Variants in PTPN4 observed in about 807,000 individuals in gnomAD.
PTPN4 encodes the protein tyrosine-protein phosphatase non-receptor type 4.
In PTPN4, 49 loss-of-function variants were observed where a neutral mutation model predicts 135.5. That is an observed-to-expected ratio of 0.36 (90% CI 0.29 to 0.46). The LOEUF is 0.46. Ranked by LOEUF, PTPN4 falls within the 20% of genes least tolerant of loss-of-function variation. The pLI is 1.00. For synonymous variants in PTPN4, 333 were observed against 369.9 expected, an observed-to-expected ratio of 0.90 and a Z score of 1.14; for missense variants, 860 against 1,101.0, an observed-to-expected ratio of 0.78 and a Z score of 3.10.
At chr2:119,935,202 C>G in intron 15 of PTPN4, 1 of 434,358 alleles carries the variant, frequency 2.3e-6, no homozygotes, top group Non-Finnish European at 4.0e-6. Context: ...TATATAAACT[C>G]AAATATTTCT....
chr2:119,779,876 T>C (rs1258416240), intron 1 of PTPN4, among the ~76,000 whole-genome samples: 1 of 152,014 alleles, frequency 6.6e-6, no homozygotes, highest in Non-Finnish European at 1.5e-5. Flanking sequence ...TTCTGGGTAG[T>C]TGGGACCACA....
At chr2:119,769,404 G>T (rs1374626423) in intron 1 of PTPN4, among the ~76,000 whole-genome samples, 2 of 152,174 alleles carry the variant, frequency 1.3e-5, no homozygotes. Context: ...GAACTCCCCA[G>T]GTCTCATCTC....
At chr2:119,837,592 T>C (rs1677314612) in intron 2 of PTPN4, among the ~76,000 whole-genome samples, 1 of 152,220 alleles carries the variant, frequency 6.6e-6, no homozygotes, top group Non-Finnish European at 1.5e-5. Flanking sequence ...TACTGAGAAC[T>C]GTAACACAAA....
At chr2:119,835,141 TATCC>T in intron 2 of PTPN4, among the ~76,000 whole-genome samples, 1 of 152,192 alleles carries the variant, frequency 6.6e-6, no homozygotes, top group South Asian at 2.1e-4. Context: ...AATTTTAAGT[TATCC>T]ATCAGTAAGT....
intron 2 of PTPN4, among the ~76,000 whole-genome samples, chr2:119,848,504 G>A (rs533034994): frequency 9.9e-5 from 15 of 151,356 alleles, no homozygotes; most frequent in South Asian, 2.1e-4. Flanking sequence ...AATTTCTTCC[G>A]TTTCCTTCTC....
chr2:119,907,509 T>C (rs976096146), intron 10 of PTPN4, among the ~76,000 whole-genome samples: 2 of 152,050 alleles, frequency 1.3e-5, no homozygotes, highest in Non-Finnish European at 2.9e-5. Context: ...GAAGCTGAGG[T>C]GGGAGGATCA....
rs62169081 is a variant in PTPN4 at position 119,974,232 on chromosome 2, A to G, written c.2695-2752A>G. Among the ~76,000 whole-genome samples the G allele has an allele frequency of 4.2e-3, 636 of 152,116 alleles. 1 individual carries two copies. The highest frequency in any genetic ancestry group is 7.6e-3 in the Non-Finnish European group (516 of 67,996). On this transcript the variant is annotated intron_variant, in intron 26 of 26. Transcript: ENST00000263708. ...TTGTTTTGTTTTGTTTTGTTTTGAG[A>G]TGGAGTTTCGCTCTTGTTGCCCAGG...
Position 119,932,842 on chromosome 2 carries a change from G to A in PTPN4, c.1196+293G>A, listed in dbSNP as rs116155401. Among the ~76,000 whole-genome samples, 231 of 152,274 alleles carry A rather than the reference G, an allele frequency of 1.5e-3. 1 individual carries two copies. Among genetic ancestry groups the A allele is most frequent in the African/African-American group, 5.3e-3 (221 of 41,552 alleles). On this transcript the variant is annotated intron_variant, in intron 14 of 26. Transcript: ENST00000263708. ...GTCCCTGATAAATGAAGATCTGTTA[G>A]ACTTAAAATCTTGTATGGTTGTTGT...
intron 1 of PTPN4, chr2:119,791,314 G>C (rs1429820920): frequency 6.6e-6 from 1 of 152,040 alleles, no homozygotes; most frequent in Non-Finnish European, 1.5e-5. Context: ...ATTTTTAGTA[G>C]AGATGGGGTT....
chr2:119,759,953 C>T lies in PTPN4; in HGVS notation c.-449C>T. ...ACCCGCCAGCTCACGCCGCGCAGTG[C>T]GCTTTTCCGCTCCTCGCGCCCCACC... On this transcript the variant is annotated 5_prime_UTR_variant, in exon 1 of 27. Transcript: ENST00000263708. 1 of 369,598 alleles carries T rather than the reference C, an allele frequency of 2.7e-6. No homozygotes were observed. The highest frequency in any genetic ancestry group is 4.8e-6 in the Non-Finnish European group (1 of 207,980). The allele number at this position is 369,598 out of a possible 1,614,324, so 22.9% of individuals were successfully genotyped here. A position where few individuals can be genotyped will look rare whatever the true frequency, so the allele number is the denominator to read the frequency against.
At chr2:119,762,226 G>A (rs1304286952) in intron 1 of PTPN4, among the ~76,000 whole-genome samples, 1 of 151,824 alleles carries the variant, frequency 6.6e-6, no homozygotes, top group African/African-American at 2.4e-5. Flanking sequence ...AAAAAGTATA[G>A]ATCTCTCATA....
chr2:119,809,528 C>A (rs1691539747), intron 1 of PTPN4, among the ~76,000 whole-genome samples: 1 of 151,912 alleles, frequency 6.6e-6, no homozygotes, highest in Non-Finnish European at 1.5e-5. Context: ...GCATAATCTT[C>A]CCGCCCCTTT....
chr2:119,944,974 TG>T, intron 15 of PTPN4, 106 bp from the exon 16 acceptor site: 1 of 928,374 alleles, frequency 1.1e-6, no homozygotes, highest in Non-Finnish European at 1.5e-6. Flanking sequence ...CAAATAAATA[TG>T]GTATTTAGAG....
intron 8 of PTPN4, among the ~76,000 whole-genome samples, chr2:119,884,350 C>A (rs1002875821): frequency 6.6e-6 from 1 of 152,216 alleles, no homozygotes; most frequent in Non-Finnish European, 1.5e-5. Flanking sequence ...AACACAGATA[C>A]CCTCATTCAT....
chr2:119,826,329 A>G (rs1245883920), intron 2 of PTPN4, among the ~76,000 whole-genome samples: 2 of 152,222 alleles, frequency 1.3e-5, no homozygotes, highest in African/African-American at 4.8e-5. Context: ...TTTTCTGTTT[A>G]GTGTTTTTCT....
At chr2:119,827,560 T>C (rs2048393) in intron 2 of PTPN4, among the ~76,000 whole-genome samples, 5,581 of 152,236 alleles carry the variant, frequency 0.037, 353 homozygotes, top group African/African-American at 0.13. Flanking sequence ...AAGTATAGCA[T>C]ATATACAATA....
chr2:119,773,605 G>A (rs1268941610), intron 1 of PTPN4, among the ~76,000 whole-genome samples: 6 of 151,656 alleles, frequency 4.0e-5, no homozygotes, highest in African/African-American at 7.3e-5. Flanking sequence ...GCGTGGTGGC[G>A]CACGCCTGTA....
chr2:119,945,066 T>C lies in PTPN4; in HGVS notation c.1356-15T>C. 1 of 1,558,330 alleles carries C rather than the reference T, an allele frequency of 6.4e-7. No individual in the cohort carries two copies. Among genetic ancestry groups the C allele is most frequent in the Non-Finnish European group, 8.6e-7 (1 of 1,162,478 alleles). On this transcript the variant is annotated splice_polypyrimidine_tract_variant and intron_variant, in intron 15 of 26. Coordinates refer to ENST00000263708, the MANE Select transcript of PTPN4 (RefSeq NM_002830.4). ...AAAGTTATGAAACAACTTCCAAATT[T>C]GTTTTCTTGTCTAGATCACAAGAGA...
chr2:119,969,653 G>A (rs908210581), intron 26 of PTPN4, among the ~76,000 whole-genome samples: 4 of 146,414 alleles, frequency 2.7e-5, no homozygotes, highest in African/African-American at 1.0e-4. Flanking sequence ...CCGCCTCCCG[G>A]GATCACACCA....
Sources: gnomAD v4.1 joint callset for allele counts (sites outside exome capture counted in the v4.1 genomes callset) on GRCh38, gnomAD v4.1.1 for gene constraint, MANE v1.5 for transcripts, NCBI Gene and HGNC (gene_info 2026-07-23, HGNC 2026-07-21) for gene names.